The following NALF1 variants were observed in gnomAD, a reference collection of about 807,000 sequenced individuals.
NALF1 encodes the protein NALCN channel auxiliary factor 1.
Under a neutral mutation model 48.4 loss-of-function variants are expected in NALF1, and 3 were observed. The observed-to-expected ratio is 0.06, with a 90% CI of 0.03 to 0.16. The LOEUF is 0.16. NALF1 is among the 10% of genes least tolerant of loss of function. The pLI is 1.00. For missense variants in NALF1, 526 were observed against 571.5 expected (o/e 0.92, Z 0.81); for synonymous variants, 262 against 245.7 (o/e 1.07, Z -0.62).
intron 1 of NALF1, among the ~76,000 whole-genome samples, chr13:107,370,534 C>T (rs959734069): frequency 8.5e-5 from 13 of 152,196 alleles, no homozygotes; most frequent in Admixed American, 4.6e-4. Context: ...GAGGCTTAAA[C>T]TCTTCTGCAG....
At chr13:107,490,915 C>G (rs1885405026) in intron 1 of NALF1, among the ~76,000 whole-genome samples, 1 of 152,148 alleles carries the variant, frequency 6.6e-6, no homozygotes, top group Non-Finnish European at 1.5e-5. Context: ...CTTCCAGCAA[C>G]AAGGACACCT....
chr13:107,569,876 T>C (rs1310715196), intron 1 of NALF1, among the ~76,000 whole-genome samples: 3 of 152,196 alleles, frequency 2.0e-5, no homozygotes, highest in African/African-American at 7.2e-5. Context: ...TACATGAACA[T>C]GATATATCTA....
At chr13:107,448,186 T>C (rs1884681571) in intron 1 of NALF1, among the ~76,000 whole-genome samples, 1 of 152,194 alleles carries the variant, frequency 6.6e-6, no homozygotes, top group South Asian at 2.1e-4. Flanking sequence ...TCCACATCAC[T>C]GGCTCATACC....
intron 1 of NALF1, among the ~76,000 whole-genome samples, chr13:107,357,660 T>C (rs1246760719): frequency 6.6e-6 from 1 of 152,178 alleles, no homozygotes; most frequent in Non-Finnish European, 1.5e-5. Context: ...AGGAAGGGCA[T>C]GTCAAGAGAA....
At chr13:107,737,862 G>A (rs982362521) in intron 1 of NALF1, among the ~76,000 whole-genome samples, 4 of 152,122 alleles carry the variant, frequency 2.6e-5, no homozygotes, top group Non-Finnish European at 4.4e-5. Flanking sequence ...TATAGAGTCA[G>A]AATCATCTTT....
At chr13:107,371,054 T>C (rs1381730814) in intron 1 of NALF1, among the ~76,000 whole-genome samples, 3 of 152,180 alleles carry the variant, frequency 2.0e-5, no homozygotes, top group Non-Finnish European at 4.4e-5. Flanking sequence ...CGCCAAACCA[T>C]ATCAATAGTA....
At chr13:107,735,424 C>T (rs1163683236) in intron 1 of NALF1, among the ~76,000 whole-genome samples, 2 of 152,120 alleles carry the variant, frequency 1.3e-5, no homozygotes, top group Non-Finnish European at 2.9e-5. Flanking sequence ...TGGCAGCTTG[C>T]CTGTTTCGGC....
chr13:107,539,028 C>G (rs1251695351), intron 1 of NALF1, among the ~76,000 whole-genome samples: 1 of 149,706 alleles, frequency 6.7e-6, no homozygotes, highest in Non-Finnish European at 1.5e-5. Flanking sequence ...TTTTGCTAAA[C>G]CCTTGGTAGG....
At chr13:107,248,694 G>C (rs1291157299) in intron 1 of NALF1, among the ~76,000 whole-genome samples, 1 of 150,598 alleles carries the variant, frequency 6.6e-6, no homozygotes, top group Non-Finnish European at 1.5e-5. Context: ...TGTTAATATT[G>C]GACAGCACAG....
chr13:107,554,416 G>A (rs559128928), intron 1 of NALF1, among the ~76,000 whole-genome samples: 1 of 152,302 alleles, frequency 6.6e-6, no homozygotes, highest in African/African-American at 2.4e-5. Flanking sequence ...AAAAGAGGGT[G>A]AAGAAGGTTA....
chr13:107,460,463 A>G (rs1884899921), intron 1 of NALF1, among the ~76,000 whole-genome samples: 1 of 152,258 alleles, frequency 6.6e-6, no homozygotes, highest in African/African-American at 2.4e-5. Context: ...AGATGTGCTC[A>G]GTCCCAATGT....
intron 1 of NALF1, among the ~76,000 whole-genome samples, chr13:107,610,948 A>G (rs1308580292): frequency 6.6e-6 from 1 of 152,138 alleles, no homozygotes; most frequent in African/African-American, 2.4e-5. Context: ...ACCCAACCGT[A>G]TGTTTTGAAA....
chr13:107,480,147 T>C (rs1885232765), intron 1 of NALF1, among the ~76,000 whole-genome samples: 1 of 152,164 alleles, frequency 6.6e-6, no homozygotes, highest in East Asian at 1.9e-4. Flanking sequence ...TATTAAAATC[T>C]AACATTTTTA....
chr13:107,832,634 C>A (rs933977643), intron 1 of NALF1, among the ~76,000 whole-genome samples: 1 of 152,140 alleles, frequency 6.6e-6, no homozygotes, highest in African/African-American at 2.4e-5. Context: ...CAGGGTCCTT[C>A]GCAACTCCTC....
rs1879962880 is a variant in NALF1 at position 107,635,878 on chromosome 13, T to C, written c.915+229804A>G. On this transcript the variant is annotated intron_variant, in intron 1 of 2. Coordinates refer to ENST00000375915, the MANE Select transcript of NALF1 (RefSeq NM_001080396.3). The stretch of plus-strand genomic sequence containing the variant: ...GCCTATCCCAAATTTGCAAGTATAA[T>C]TTGGTCTTCTATAGCTTATTCAGTT... Among the ~76,000 whole-genome samples the C allele has an allele frequency of 2.0e-5, 3 of 152,118 alleles. No homozygotes were observed. In the South Asian group the frequency reaches 6.2e-4, roughly 31 times the overall value.
At chr13:107,784,171 T>G (rs1878005316) in intron 1 of NALF1, among the ~76,000 whole-genome samples, 4 of 152,188 alleles carry the variant, frequency 2.6e-5, no homozygotes, top group Non-Finnish European at 1.5e-5. Flanking sequence ...AAAAGTAGAT[T>G]TCCACAAAGA....
At chr13:107,225,661 G>T (rs950693028) in intron 1 of NALF1, among the ~76,000 whole-genome samples, 5 of 152,166 alleles carry the variant, frequency 3.3e-5, no homozygotes, top group Non-Finnish European at 5.9e-5. Context: ...ACAATCAACA[G>T]TGTGTATGGA....
At chr13:107,831,447 T>C (rs1422634866) in intron 1 of NALF1, among the ~76,000 whole-genome samples, 2 of 152,174 alleles carry the variant, frequency 1.3e-5, no homozygotes, top group African/African-American at 2.4e-5. Flanking sequence ...AGATGGAATG[T>C]AGTCATGGCA....
intron 1 of NALF1, among the ~76,000 whole-genome samples, chr13:107,534,547 G>T (rs1195450426): frequency 6.6e-6 from 1 of 152,118 alleles, no homozygotes; most frequent in African/African-American, 2.4e-5. Context: ...TGACACAGTG[G>T]TTTGCTGAAC....
Sources: gnomAD v4.1 joint callset for allele counts (sites outside exome capture counted in the v4.1 genomes callset) on GRCh38, gnomAD v4.1.1 for gene constraint, MANE v1.5 for transcripts, NCBI Gene and HGNC (gene_info 2026-07-23, HGNC 2026-07-21) for gene names.